The following FAAH2 variants were observed in gnomAD, a reference collection of about 807,000 sequenced individuals.
FAAH2 encodes the protein fatty-acid amide hydrolase 2.
A neutral mutation model predicts 36.9 loss-of-function variants in FAAH2; 60 were observed. That is an observed-to-expected ratio of 1.63 (90% CI 1.32 to 2.02). The LOEUF (loss-of-function observed/expected upper bound fraction) is 2.02. Ranked by LOEUF, FAAH2 falls within the 30% of genes most tolerant of loss-of-function variation. The pLI, the probability that FAAH2 is intolerant of heterozygous loss-of-function variation, is 0.00. For synonymous variants in FAAH2, 214 were observed against 143.8 expected (o/e 1.49, Z -3.49); for missense variants, 689 against 397.5 (o/e 1.73, Z -6.23).
chrX:57,287,922 G>A (rs889910857), intron 1 of FAAH2, among the ~76,000 whole-genome samples: 4 of 111,051 alleles, frequency 3.6e-5, no homozygotes, highest in Non-Finnish European at 7.5e-5. Flanking sequence ...TATTTGTATT[G>A]TACTCCTGGT....
the FAAH2 span, among the ~76,000 whole-genome samples, chrX:57,139,830 G>A: frequency 9.9e-5 from 11 of 111,391 alleles, no homozygotes; most frequent in Non-Finnish European, 1.9e-4. Flanking sequence ...GATTGCTTTG[G>A]CCATTCTGAT....
the FAAH2 span, among the ~76,000 whole-genome samples, chrX:57,174,519 G>A: frequency 9.0e-6 from 1 of 111,292 alleles, no homozygotes; most frequent in Non-Finnish European, 1.9e-5. Context: ...TACCAATTTT[G>A]TTTATCTTTT....
the FAAH2 span, among the ~76,000 whole-genome samples, chrX:57,223,021 C>T: frequency 3.6e-5 from 4 of 112,051 alleles, no homozygotes; most frequent in East Asian, 8.4e-4. Flanking sequence ...AGCAGCCAGA[C>T]AACAAATCAA....
chrX:57,374,272 G>T (rs1303928791), intron 5 of FAAH2, among the ~76,000 whole-genome samples: 2 of 111,217 alleles, frequency 1.8e-5, no homozygotes, highest in Admixed American at 9.6e-5. Context: ...TTTTAATGGG[G>T]ATTGCATTGT....
intron 7 of FAAH2, chrX:57,394,558 C>A (rs1026645071): frequency 4.1e-6 from 5 of 1,206,407 alleles, no homozygotes; most frequent in Non-Finnish European, 5.6e-6. Context: ...GCTTAAATTT[C>A]TCCAGGAAAC....
At chrX:57,319,237 T>C (rs1413856929) in intron 3 of FAAH2, among the ~76,000 whole-genome samples, 1 of 111,509 alleles carries the variant, frequency 9.0e-6, no homozygotes, top group Non-Finnish European at 1.9e-5. Context: ...AGTTGTCTCT[T>C]TTTGTAGATG....
intron 10 of FAAH2, among the ~76,000 whole-genome samples, chrX:57,463,059 T>A: frequency 9.0e-6 from 1 of 111,563 alleles, no homozygotes; most frequent in Admixed American, 9.5e-5. Flanking sequence ...TATTCACAAT[T>A]GCTACAAAGA....
chrX:57,386,225 A>G, intron 7 of FAAH2, among the ~76,000 whole-genome samples: 1 of 111,978 alleles, frequency 8.9e-6, no homozygotes, highest in Middle Eastern at 4.7e-3. Flanking sequence ...ATAGAGGATT[A>G]TTAACAGGCT....
At chrX:57,259,029 G>A in the FAAH2 span, among the ~76,000 whole-genome samples, 2 of 110,856 alleles carry the variant, frequency 1.8e-5, no homozygotes, top group East Asian at 2.8e-4. Flanking sequence ...AATATAAAAT[G>A]CAAATCTAAA....
At chrX:57,354,501 T>C (rs2054112701) in intron 5 of FAAH2, among the ~76,000 whole-genome samples, 1 of 110,151 alleles carries the variant, frequency 9.1e-6, no homozygotes, top group Non-Finnish European at 1.9e-5. Flanking sequence ...AGGTGATGGA[T>C]ACCCTGCAAG....
intron 7 of FAAH2, among the ~76,000 whole-genome samples, chrX:57,385,113 C>T (rs188136876): frequency 6.1e-4 from 67 of 109,497 alleles, no homozygotes; most frequent in East Asian, 5.2e-3. Context: ...GGGAACATCA[C>T]ACACCAGGGC....
At chrX:57,468,663 G>A (rs1489603354) in intron 10 of FAAH2, among the ~76,000 whole-genome samples, 2 of 111,891 alleles carry the variant, frequency 1.8e-5, no homozygotes, top group Non-Finnish European at 3.8e-5. Flanking sequence ...AACCAAGTTG[G>A]AAAACACTCT....
At chrX:57,254,296 G>T in the FAAH2 span, among the ~76,000 whole-genome samples, 1 of 111,682 alleles carries the variant, frequency 9.0e-6, no homozygotes, top group Non-Finnish European at 1.9e-5. Context: ...GACCTACAAA[G>T]AGACTTAGAC....
intron 2 of FAAH2, among the ~76,000 whole-genome samples, chrX:57,294,903 T>A (rs2052087268): frequency 9.0e-6 from 1 of 111,140 alleles, no homozygotes; most frequent in Non-Finnish European, 1.9e-5. Flanking sequence ...TATAGGGAAT[T>A]GGTAGAATAG....
the FAAH2 span, among the ~76,000 whole-genome samples, chrX:57,194,459 C>T: frequency 0.45 from 49,161 of 109,859 alleles, 10,919 homozygotes; most frequent in African/African-American, 0.86. Flanking sequence ...ATAAGCACTT[C>T]ATTGATCTTT....
Position 57,468,643 on chromosome X carries a change from G to A in FAAH2, c.1423+19925G>A, listed in dbSNP as rs185915710. Reference sequence around the variant, plus strand: ...CTGACTGGTGTACCTGAAACTGACGGGGAGAATGGAACCAAGTTGGAAAAC... The same window carrying A: ...CTGACTGGTGTACCTGAAACTGACGAGGAGAATGGAACCAAGTTGGAAAAC... On this transcript the variant is annotated intron_variant, in intron 10 of 10. Transcript: ENST00000374900. Among the ~76,000 whole-genome samples, 186 of 111,903 alleles carry A rather than the reference G, an allele frequency of 1.7e-3. 1 individual carries two copies. Among genetic ancestry groups the A allele is most frequent in the African/African-American group, 5.7e-3 (177 of 30,863 alleles).
chrX:57,440,653 TG>T (rs991212474), intron 8 of FAAH2, among the ~76,000 whole-genome samples: 1 of 111,878 alleles, frequency 8.9e-6, no homozygotes, highest in African/African-American at 3.3e-5. Context: ...ATAAGAGTGG[TG>T]AGAGAGGGCA....
intron 3 of FAAH2, among the ~76,000 whole-genome samples, chrX:57,314,898 A>G (rs1022806501): frequency 4.4e-4 from 49 of 111,238 alleles, no homozygotes; most frequent in African/African-American, 1.6e-3. Flanking sequence ...GAAAAAATCA[A>G]TTCCAAAGCC....
At chrX:57,326,318 G>C (rs2053214194) in intron 3 of FAAH2, among the ~76,000 whole-genome samples, 1 of 113,444 alleles carries the variant, frequency 8.8e-6, no homozygotes, top group Non-Finnish European at 1.9e-5. Context: ...ATATTCTGTT[G>C]ATTTGGGGTG....
Sources: gnomAD v4.1 joint callset for allele counts (sites outside exome capture counted in the v4.1 genomes callset) on GRCh38, gnomAD v4.1.1 for gene constraint, MANE v1.5 for transcripts, NCBI Gene and HGNC (gene_info 2026-07-23, HGNC 2026-07-21) for gene names.